The following NBPF12 variants were observed in gnomAD, a reference collection of about 807,000 sequenced individuals.
NBPF12 encodes the protein NBPF member 12, also known as NBPF family member NBPF12.
In NBPF12, 115 loss-of-function variants were observed where a neutral mutation model predicts 146.4. The observed-to-expected ratio is 0.79, with a 90% CI of 0.68 to 0.92. The LOEUF is 0.92. Among genes scored for constraint, NBPF12 ranks in the 40% least tolerant of loss-of-function variants. The probability of loss-of-function intolerance (pLI) is 0.00; values close to 1 mark genes in which losing one functional copy is unlikely to be tolerated. For missense variants in NBPF12, 1,205 were observed against 1,326.8 expected (o/e 0.91, Z 1.43); for synonymous variants, 385 against 508.9 (o/e 0.76, Z 3.28).
chr1:146,984,725 C>A (rs1184922645), intron 21 of NBPF12, 88 bp from the exon 25 acceptor site: 6 of 542,722 alleles, frequency 1.1e-5, no homozygotes, highest in Admixed American at 2.4e-5. Context: ...TTTTCAAACT[C>A]TTCCTTATGT....
At chr1:146,987,520 T>C (rs1412211003) in intron 25 of NBPF12, among the ~76,000 whole-genome samples, 1 of 152,050 alleles carries the variant, frequency 6.6e-6, no homozygotes, top group African/African-American at 2.4e-5. Context: ...TGTATTCTCA[T>C]GGTGACTGCA....
exon 14 of NBPF12, chr1:146,972,837 C>G (rs1452562237): frequency 7.4e-7 from 1 of 1,344,480 alleles, no homozygotes; most frequent in Non-Finnish European, 1.1e-6. Flanking sequence ...GATGAACATT[C>G]TAGAAATCAA....
intron 2 of NBPF12, among the ~76,000 whole-genome samples, chr1:146,943,966 C>T (rs1346666127): frequency 1.4e-5 from 2 of 138,436 alleles, no homozygotes; most frequent in Non-Finnish European, 3.1e-5. Flanking sequence ...CCTGTCCACC[C>T]GCATCCCCCA....
At chr1:146,984,577 CTGTGTGTGTGTGTGTGTGTG>C (rs1195588193) in intron 21 of NBPF12, among the ~76,000 whole-genome samples, 39 of 132,718 alleles carry the variant, frequency 2.9e-4, no homozygotes, top group Non-Finnish European at 3.4e-4. Flanking sequence ...TGAGCTCACA[CTGTGTGTGTGTGTGTGTGTG>C]TGTGTGTGTG....
chr1:146,995,010 A>G (rs1291969270), exon 34 of NBPF12: 1 of 238,684 alleles, frequency 4.2e-6, no homozygotes, highest in Non-Finnish European at 8.1e-6. Context: ...GGCTTGTTTT[A>G]GCTGATCCAT....
chr1:146,938,881 G>A (rs1466130605), exon 1 of NBPF12: 3 of 152,214 alleles, frequency 2.0e-5, no homozygotes, highest in Non-Finnish European at 4.4e-5. Context: ...AACGCGGGAC[G>A]GGCGACCTGC....
chr1:146,965,133 C>T lies in NBPF12; in HGVS notation c.778+29C>T, dbSNP rs1336972054. ...GCCTCTATTTTCCTTGTGTCTCATA[C>T]CTCTGTCTAGGCTATGGAAGATCAA... On this transcript the variant is annotated intron_variant, in intron 8 of 33. Coordinates refer to ENST00000617844, the Ensembl canonical transcript of NBPF12. The T allele has an allele frequency of 1.3e-5, 16 of 1,233,174 alleles. No individual in the cohort carries two copies. The Admixed American group carries it at 2.5e-4, about 19-fold the overall frequency. The allele number at this position is 1,233,174 out of a possible 1,614,324, so 76.4% of individuals were successfully genotyped here. A position where few individuals can be genotyped will look rare whatever the true frequency, so the allele number is the denominator to read the frequency against.
chr1:146,974,159 G>A (rs1456477742), intron 14 of NBPF12, among the ~76,000 whole-genome samples: 3 of 149,142 alleles, frequency 2.0e-5, no homozygotes, highest in Admixed American at 6.6e-5. Flanking sequence ...TAAATTAACA[G>A]AAACTTCATT....
chr1:146,949,837 C>A (rs1655246547), intron 1 of NBPF12, among the ~76,000 whole-genome samples: 1 of 151,930 alleles, frequency 6.6e-6, no homozygotes, highest in Non-Finnish European at 1.5e-5. Context: ...TTCCTCCTTA[C>A]CTGTCTGTTT....
upstream of NBPF12, among the ~76,000 whole-genome samples, chr1:146,946,256 C>G (rs1655061921): frequency 6.6e-6 from 1 of 150,714 alleles, no homozygotes; most frequent in African/African-American, 2.5e-5. Context: ...TACTTACGTG[C>G]AGGATTTTGA....
At chr1:146,994,288 C>G (rs1406944631) in intron 33 of NBPF12, 44 bp from the exon 37 acceptor site, 24 of 1,611,074 alleles carry the variant, frequency 1.5e-5, no homozygotes, top group Non-Finnish European at 2.0e-5. Flanking sequence ...TCTGTGGTGT[C>G]TGACTTTCCC....
chr1:146,966,622 T>A (rs1447256521), exon 9 of NBPF12: 1 of 1,507,730 alleles, frequency 6.6e-7, no homozygotes. Context: ...CAAAGAGAAA[T>A]GTTTTGTAAC....
rs1386567935 is a variant in NBPF12, at chr1:146,942,381, G to A, written c.-821-910G>A. On this transcript the variant is annotated intron_variant, in intron 1 of 35. Transcript: ENST00000617931. ...ATTTGTAAATATAGTATTCATTATT[G>A]TTATTATTTTTTTTGTATGTGTTCA... 7.1e-4 allele frequency among the ~76,000 whole-genome samples: 106 copies of A among 149,006 alleles called. 1 individual carries two copies. Among genetic ancestry groups the A allele is most frequent in the African/African-American group, 2.6e-3 (104 of 40,216 alleles).
intron 9 of NBPF12, among the ~76,000 whole-genome samples, chr1:146,967,361 C>T (rs1475382654): frequency 0.044 from 6,612 of 150,710 alleles, 718 homozygotes; most frequent in African/African-American, 0.15. Flanking sequence ...AGTAGATGGG[C>T]GTGGTGGCAG....
chr1:146,941,822 A>T (rs1388184532), intron 1 of NBPF12, among the ~76,000 whole-genome samples: 2 of 146,988 alleles, frequency 1.4e-5, no homozygotes, highest in African/African-American at 5.1e-5. Flanking sequence ...ATATGAACAC[A>T]CTTTTCTATA....
exon 34 of NBPF12, chr1:146,994,833 C>G (rs1393266655): frequency 1.4e-6 from 1 of 698,040 alleles, no homozygotes; most frequent in African/African-American, 1.8e-5. Flanking sequence ...TTAATTTGAA[C>G]CATGTATCTC....
exon 9 of NBPF12, chr1:146,966,580 C>G (rs1656224578): frequency 4.2e-6 from 6 of 1,445,422 alleles, no homozygotes; most frequent in East Asian, 4.5e-5. Context: ...GCGCCCCCAG[C>G]TGGCAGAGAA....
At chr1:146,971,986 G>A (rs1359634511) in intron 13 of NBPF12, among the ~76,000 whole-genome samples, 5 of 149,638 alleles carry the variant, frequency 3.3e-5, no homozygotes, top group Non-Finnish European at 5.9e-5. Flanking sequence ...TACTTGGGAG[G>A]CTGAGGCAGG....
intron 12 of NBPF12, 24 bp downstream of exon 15, chr1:146,970,743 A>T: frequency 7.6e-7 from 1 of 1,314,082 alleles, no homozygotes; most frequent in Non-Finnish European, 1.1e-6. Flanking sequence ...CTCAGGAGCA[A>T]GTAATGGGTG....
Sources: allele counts gnomAD v4.1 joint callset (sites outside exome capture counted in the v4.1 genomes callset), GRCh38; gene constraint gnomAD v4.1.1; transcripts MANE v1.5; gene names NCBI Gene and HGNC (gene_info 2026-07-23, HGNC 2026-07-21).